Variants in CNTN4 observed in about 807,000 individuals in gnomAD.
CNTN4 encodes contactin 4, also known as contactin-4.
CNTN4 carries 77 observed loss-of-function variants against 122.5 expected under a neutral mutation model. That is an observed-to-expected ratio of 0.63 (90% confidence interval 0.52 to 0.76). The LOEUF (loss-of-function observed/expected upper bound fraction) is 0.76. Among genes scored for constraint, CNTN4 ranks in the 30% least tolerant of loss-of-function variants. The pLI is 0.00. For synonymous variants in CNTN4, 512 were observed against 447.0 expected (o/e 1.15, Z -1.83); for missense variants, 1,256 against 1,259.1 (o/e 1.00, Z 0.04).
intron 2 of CNTN4, among the ~76,000 whole-genome samples, chr3:2,116,857 C>G (rs533723422): frequency 9.2e-5 from 14 of 152,190 alleles, no homozygotes; most frequent in African/African-American, 3.4e-4. Flanking sequence ...GTTAATCGAT[C>G]GATCTGGGGT....
At chr3:2,150,136 A>C (rs1049738973) in intron 2 of CNTN4, among the ~76,000 whole-genome samples, 3 of 152,160 alleles carry the variant, frequency 2.0e-5, no homozygotes, top group African/African-American at 7.2e-5. Context: ...GTTATCCTTT[A>C]AGAAGCATTT....
Position 2,171,993 on chromosome 3 carries a change from C to T in CNTN4, c.-145+71354C>T, listed in dbSNP as rs533306779. Among the ~76,000 whole-genome samples, 351 of 152,282 alleles carry T rather than the reference C, an allele frequency of 2.3e-3. 2 individuals are homozygous for T. The highest frequency in any genetic ancestry group is 7.6e-3 in the African/African-American group (316 of 41,562). ...GTGAATCAGAAATTTCTGGAGCCCA[C>T]GCTCAATCAGCAAGCACTCCAGGTG... On this transcript the variant is annotated intron_variant, in intron 2 of 24. Coordinates refer to ENST00000418658, the MANE Select transcript of CNTN4 (RefSeq NM_175607.3).
intron 3 of CNTN4, among the ~76,000 whole-genome samples, chr3:2,405,959 C>G (rs750761404): frequency 1.3e-5 from 2 of 150,768 alleles, no homozygotes; most frequent in Non-Finnish European, 2.9e-5. Context: ...TCCGGGAGGT[C>G]AAGGTTGTAG....
At chr3:2,943,435 C>T (rs1037422528) in intron 13 of CNTN4, among the ~76,000 whole-genome samples, 2 of 152,000 alleles carry the variant, frequency 1.3e-5, no homozygotes, top group African/African-American at 4.8e-5. Context: ...AAAGAGAGCA[C>T]AGTCAAGTGA....
chr3:2,612,015 G>GA (rs142513520), intron 4 of CNTN4, among the ~76,000 whole-genome samples: 105,192 of 151,512 alleles, frequency 0.69, 37,354 homozygotes, highest in African/African-American at 0.77. Context: ...ATATTCTCAG[G>GA]TGGTAACATT....
intron 3 of CNTN4, among the ~76,000 whole-genome samples, chr3:2,524,625 A>G (rs978106317): frequency 2.0e-5 from 3 of 152,132 alleles, no homozygotes; most frequent in Admixed American, 6.6e-5. Context: ...TACTCATTTG[A>G]ACAAAGGAAC....
intron 4 of CNTN4, among the ~76,000 whole-genome samples, chr3:2,683,086 C>A (rs188526424): frequency 6.6e-6 from 1 of 152,164 alleles, no homozygotes; most frequent in Non-Finnish European, 1.5e-5. Context: ...CAAAACAATC[C>A]ACCACCATTA....
At chr3:2,932,244 G>A (rs2094527347) in intron 13 of CNTN4, among the ~76,000 whole-genome samples, 1 of 152,122 alleles carries the variant, frequency 6.6e-6, no homozygotes, top group Admixed American at 6.5e-5. Context: ...CGGGCGTGGT[G>A]GTGGGCGCCT....
At chr3:2,965,541 G>A (rs1178382973) in intron 13 of CNTN4, among the ~76,000 whole-genome samples, 1 of 152,146 alleles carries the variant, frequency 6.6e-6, no homozygotes, top group Non-Finnish European at 1.5e-5. Flanking sequence ...GCCATCTCTT[G>A]GACAGCATGT....
intron 4 of CNTN4, among the ~76,000 whole-genome samples, chr3:2,669,830 C>G (rs2084396491): frequency 6.6e-6 from 1 of 152,152 alleles, no homozygotes; most frequent in Non-Finnish European, 1.5e-5. Context: ...ATCTTTATTT[C>G]TGCCTTCATT....
chr3:2,318,021 T>C (rs771741447), intron 2 of CNTN4, among the ~76,000 whole-genome samples: 39 of 152,132 alleles, frequency 2.6e-4, no homozygotes, highest in Admixed American at 1.3e-4. Context: ...TGAATATTAA[T>C]CTTAGATGGC....
intron 2 of CNTN4, among the ~76,000 whole-genome samples, chr3:2,173,342 A>G (rs2036598617): frequency 6.6e-6 from 1 of 152,230 alleles, no homozygotes; most frequent in Admixed American, 6.5e-5. Context: ...CAGAATGGTG[A>G]GAAGCCAGTG....
chr3:2,711,729 A>G (rs963793897), intron 4 of CNTN4, among the ~76,000 whole-genome samples: 55 of 152,310 alleles, frequency 3.6e-4, no homozygotes, highest in African/African-American at 9.9e-4. Flanking sequence ...ACTGCTGAGC[A>G]TCAGAACTGG....
At position 2,921,074 on chromosome 3, in the gene CNTN4, G is replaced by A. The variant is rs377753612; in HGVS notation, c.1208-4555G>A. Reference sequence around the variant, plus strand: ...GTTTTTTAAAAGACAGGGTCTCACCGTCACCAAAGCTGCAGTGTAGTGGTG... The same window carrying A: ...GTTTTTTAAAAGACAGGGTCTCACCATCACCAAAGCTGCAGTGTAGTGGTG... On this transcript the variant is annotated intron_variant, in intron 12 of 24. Coordinates refer to ENST00000418658, the MANE Select transcript of CNTN4 (RefSeq NM_175607.3). 1.3e-4 allele frequency among the ~76,000 whole-genome samples: 20 copies of A among 152,274 alleles called. No homozygotes were observed. The South Asian group carries it at 2.5e-3, about 19-fold the overall frequency.
Position 3,057,712 on chromosome 3 carries a change from G to A in CNTN4, c.*1492G>A, listed in dbSNP as rs1190839171. On this transcript the variant is annotated 3_prime_UTR_variant, in exon 25 of 25. Transcript: ENST00000418658. ...GGATTCCATTTGTGTAAAAACTAGGGTGGTAACCGGAAAAAAATATTGTCA... is the reference window on the plus strand; with the variant it reads ...GGATTCCATTTGTGTAAAAACTAGGATGGTAACCGGAAAAAAATATTGTCA... 6.6e-6 allele frequency: 1 copy of A among 152,344 alleles called. No homozygotes were observed. Among genetic ancestry groups the A allele is most frequent in the Non-Finnish European group, 1.5e-5 (1 of 68,010 alleles). The allele number at this position is 152,344 out of a possible 1,614,324, so 9.4% of individuals were successfully genotyped here. A position where few individuals can be genotyped will look rare whatever the true frequency, so the allele number is the denominator to read the frequency against.
chr3:2,925,829 TGG>T, intron 13 of CNTN4, 50 bp downstream of exon 13: 1 of 1,502,886 alleles, frequency 6.7e-7, no homozygotes, highest in African/African-American at 1.4e-5. Flanking sequence ...AAAAATGTGT[TGG>T]TCTGTTATTA....
intron 14 of CNTN4, among the ~76,000 whole-genome samples, chr3:3,005,575 G>A (rs1259677453): frequency 2.0e-5 from 3 of 151,240 alleles, no homozygotes; most frequent in Non-Finnish European, 4.4e-5. Context: ...AGTTCTGGAG[G>A]CCGTGGTCTA....
intron 7 of CNTN4, among the ~76,000 whole-genome samples, chr3:2,842,663 C>G (rs952648761): frequency 6.6e-6 from 1 of 152,170 alleles, no homozygotes; most frequent in Non-Finnish European, 1.5e-5. Context: ...AAGTAGCTCT[C>G]TTCAGTGATG....
chr3:2,954,828 T>A (rs1461271080), intron 13 of CNTN4, among the ~76,000 whole-genome samples: 6 of 152,076 alleles, frequency 3.9e-5, no homozygotes, highest in Non-Finnish European at 8.8e-5. Flanking sequence ...CTCTGGAAAA[T>A]TTTGTTTAGA....
Sources: allele counts gnomAD v4.1 joint callset (sites outside exome capture counted in the v4.1 genomes callset), GRCh38; gene constraint gnomAD v4.1.1; transcripts MANE v1.5; gene names NCBI Gene and HGNC (gene_info 2026-07-23, HGNC 2026-07-21).